The following BCL2 variants were observed in gnomAD, a reference collection of about 807,000 sequenced individuals.
BCL2 encodes the protein apoptosis regulator Bcl-2.
A neutral mutation model predicts 14.2 loss-of-function variants in BCL2; 1 was observed. That is an observed-to-expected ratio of 0.07 (90% CI 0.02 to 0.33). The LOEUF is 0.33. BCL2 is among the 10% of genes least tolerant of loss of function. The pLI, the probability that BCL2 is intolerant of heterozygous loss-of-function variation, is 0.99. For missense variants in BCL2, 247 were observed against 305.9 expected, an observed-to-expected ratio of 0.81 and a Z score of 1.44; for synonymous variants, 151 against 137.2, an observed-to-expected ratio of 1.10 and a Z score of -0.70.
chr18:63,287,463 G>T (rs76471562), intron 2 of BCL2, among the ~76,000 whole-genome samples: 1 of 152,188 alleles, frequency 6.6e-6, no homozygotes, highest in Non-Finnish European at 1.5e-5. Flanking sequence ...GGATATAGAA[G>T]AGAAGAGAAG....
chr18:63,238,351 C>T (rs756769611), intron 2 of BCL2, among the ~76,000 whole-genome samples: 1 of 152,164 alleles, frequency 6.6e-6, no homozygotes, highest in African/African-American at 2.4e-5. Flanking sequence ...AATCAGCAGC[C>T]GTCCAGAAAG....
intron 2 of BCL2, among the ~76,000 whole-genome samples, chr18:63,216,035 G>A (rs1005981563): frequency 6.6e-6 from 1 of 152,102 alleles, no homozygotes; most frequent in Admixed American, 6.5e-5. Context: ...AACCTGACTA[G>A]GAGGGTTCTA....
In BCL2 at chr18:63,175,336, T is replaced by C. The variant is rs117318723; in HGVS notation, c.586-46577A>G. Among the ~76,000 whole-genome samples, 352 of 152,352 alleles carry C rather than the reference T, an allele frequency of 2.3e-3. 1 individual carries two copies. Among genetic ancestry groups the C allele is most frequent in the Non-Finnish European group, 4.5e-3 (303 of 68,032 alleles). ...TGGGAGTGGTACTAGCCAAATGCTA[T>C]AGTCGAATTAGCTAACCATCTGTTG... On this transcript the variant is annotated intron_variant, in intron 2 of 2. Coordinates refer to ENST00000333681, the MANE Select transcript of BCL2 (RefSeq NM_000633.3).
chr18:63,233,486 A>G (rs947158570), intron 2 of BCL2, among the ~76,000 whole-genome samples: 3 of 151,894 alleles, frequency 2.0e-5, no homozygotes, highest in African/African-American at 4.8e-5. Flanking sequence ...GGGGTGGGGG[A>G]TGGTTTCAGG....
chr18:63,179,486 C>G (rs1915432201), intron 2 of BCL2, among the ~76,000 whole-genome samples: 1 of 152,140 alleles, frequency 6.6e-6, no homozygotes, highest in Non-Finnish European at 1.5e-5. Flanking sequence ...CACAAGAGCC[C>G]CTTCCCATGT....
At chr18:63,269,905 G>C (rs1209512766) in intron 2 of BCL2, among the ~76,000 whole-genome samples, 2 of 151,978 alleles carry the variant, frequency 1.3e-5, no homozygotes, top group African/African-American at 4.8e-5. Flanking sequence ...CTAGAAACTA[G>C]GTATAATTTC....
chr18:63,209,469 T>A (rs1909937854), intron 2 of BCL2, among the ~76,000 whole-genome samples: 1 of 152,188 alleles, frequency 6.6e-6, no homozygotes, highest in African/African-American at 2.4e-5. Context: ...GAGCCAGGAC[T>A]AGTGGTTCCC....
intron 2 of BCL2, among the ~76,000 whole-genome samples, chr18:63,141,623 G>A (rs1266764038): frequency 1.3e-5 from 2 of 152,170 alleles, no homozygotes; most frequent in African/African-American, 4.8e-5. Context: ...ATTCAATACC[G>A]AACAGGACTC....
chr18:63,249,507 G>A (rs1283407551), intron 2 of BCL2, among the ~76,000 whole-genome samples: 1 of 152,100 alleles, frequency 6.6e-6, no homozygotes, highest in Non-Finnish European at 1.5e-5. Flanking sequence ...AGGAATTCAA[G>A]ACCAGCCTGG....
chr18:63,197,433 A>C (rs1049287102), intron 2 of BCL2, among the ~76,000 whole-genome samples: 4 of 152,242 alleles, frequency 2.6e-5, no homozygotes, highest in South Asian at 2.1e-4. Context: ...TTCTGGTGTC[A>C]TCTTCTGCAG....
chr18:63,203,739 CAT>C (rs752266325), intron 2 of BCL2, among the ~76,000 whole-genome samples: 2 of 152,166 alleles, frequency 1.3e-5, no homozygotes, highest in Non-Finnish European at 2.9e-5. Context: ...ACTTTCAACT[CAT>C]AGAATTGTTC....
intron 2 of BCL2, among the ~76,000 whole-genome samples, chr18:63,298,806 C>A (rs944241131): frequency 6.6e-6 from 1 of 152,146 alleles, no homozygotes; most frequent in East Asian, 1.9e-4. Context: ...GGCATGTCTA[C>A]GTGAGATAAA....
chr18:63,291,732 T>A (rs371136583), intron 2 of BCL2, among the ~76,000 whole-genome samples: 35 of 151,956 alleles, frequency 2.3e-4, no homozygotes, highest in African/African-American at 8.2e-4. Flanking sequence ...ATTTCTTTTT[T>A]TTTTTTTCTC....
chr18:63,214,224 C>T (rs1007166082), intron 2 of BCL2, among the ~76,000 whole-genome samples: 6 of 152,104 alleles, frequency 3.9e-5, no homozygotes, highest in African/African-American at 2.4e-5. Context: ...GCAGCAGGGA[C>T]GAGTGCAGAA....
intron 2 of BCL2, among the ~76,000 whole-genome samples, chr18:63,143,098 G>C (rs1250861393): frequency 2.0e-5 from 3 of 152,236 alleles, no homozygotes; most frequent in Non-Finnish European, 4.4e-5. Flanking sequence ...CCTCTCATCT[G>C]AATAGCTGTT....
chr18:63,264,953 G>A (rs538181933), intron 2 of BCL2, among the ~76,000 whole-genome samples: 4 of 142 alleles, frequency 0.028, no homozygotes, highest in East Asian at 0.12. Flanking sequence ...GAAAGAACAC[G>A]GACTCTCACC....
chr18:63,127,439 C>T lies in BCL2; in HGVS notation c.*1186G>A, dbSNP rs4987849. The T allele has an allele frequency of 1.3e-4, 30 of 235,214 alleles. No homozygotes were observed. Among genetic ancestry groups the T allele is most frequent in the African/African-American group, 4.2e-4 (19 of 45,240 alleles). The allele number at this position is 235,214 out of a possible 1,614,324, so 14.6% of individuals were successfully genotyped here. On this transcript the variant is annotated 3_prime_UTR_variant, in exon 3 of 3. Transcript: ENST00000333681. ...GAAGGGTCGTGGCTCCCATGCTCCA[C>T]GTGAAAACGGGCCTACCTGGAGGGC... is the stretch of plus-strand genomic sequence containing the variant.
chr18:63,318,534 C>T lies in BCL2; in HGVS notation c.133G>A (p.Ala45Thr). 2 of 1,582,566 alleles carry T rather than the reference C, an allele frequency of 1.3e-6. No individual in the cohort carries two copies. The highest frequency in any genetic ancestry group is 1.7e-6 in the Non-Finnish European group (2 of 1,168,550). ...VGAAPPGAAP[A>T]PGIFSSQPGH... ...GGCTGGGAGGAGAAGATGCCCGGTG[C>T]GGGGGCGGCCCCCGGGGGCGCGGCG... The change falls in exon 2 of 3, where the codon GCA becomes ACA. Residue 45 changes from alanine to threonine, a missense_variant. By Grantham distance (58) the Ala-to-Thr change is moderately conservative (BLOSUM62 0). This residue lies in a region of BCL2 where 144 missense variants were observed against 135.3 expected (regional missense o/e 1.06). Transcript: ENST00000333681. The surrounding 1 kb of genome is among the most constrained non-coding windows in gnomAD (Gnocchi z 7.4).
rs1224437346 is a variant in BCL2 at position 63,125,144 on chromosome 18, TG to T, written c.*3480del. The T allele has an allele frequency of 4.5e-6, 1 of 221,586 alleles. No homozygotes were observed. Among genetic ancestry groups the T allele is most frequent in the African/African-American group, 2.2e-5 (1 of 44,718 alleles). 13.7% of individuals were successfully genotyped at this position (221,586 alleles called of 1,614,324 possible). On this transcript the variant is annotated 3_prime_UTR_variant, in exon 3 of 3. Transcript: ENST00000333681. ...ATAATCACTTCCTAATTTTTCCCACTGGGCCAGAGCTACATCTTTAGATGAT... is the reference window on the plus strand; with the variant it reads ...ATAATCACTTCCTAATTTTTCCCACTGGCCAGAGCTACATCTTTAGATGAT...
Sources: allele counts gnomAD v4.1 joint callset (sites outside exome capture counted in the v4.1 genomes callset), GRCh38; gene constraint gnomAD v4.1.1; regional missense constraint gnomAD v4.1.1; non-coding constraint Gnocchi (gnomAD v3.1); transcripts MANE v1.5; gene names NCBI Gene and HGNC (gene_info 2026-07-23, HGNC 2026-07-21).